COL23A1: variants seen among roughly 807,000 people sequenced by gnomAD.
COL23A1 encodes collagen alpha-1(XXIII) chain.
COL23A1 carries 97 observed loss-of-function variants against 99.3 expected under a neutral mutation model. The observed-to-expected ratio is 0.98, with a 90% CI of 0.83 to 1.16. The LOEUF (loss-of-function observed/expected upper bound fraction) is 1.16. Among genes scored for constraint, COL23A1 ranks in the 50% most tolerant of loss-of-function variants. The probability of loss-of-function intolerance (pLI) is 0.00; values close to 1 mark genes in which losing one functional copy is unlikely to be tolerated. For missense variants in COL23A1, 762 were observed against 757.4 expected (o/e 1.01, Z -0.07); for synonymous variants, 320 against 308.2 (o/e 1.04, Z -0.40).
At chr5:178,292,127 G>A (rs906153288) in intron 3 of COL23A1, among the ~76,000 whole-genome samples, 1 of 151,994 alleles carries the variant, frequency 6.6e-6, no homozygotes, top group African/African-American at 2.4e-5. Flanking sequence ...CCTCCCCCGT[G>A]CCTGCGCCTG....
intron 3 of COL23A1, among the ~76,000 whole-genome samples, chr5:178,290,822 G>A (rs1435372360): frequency 6.6e-6 from 1 of 152,118 alleles, no homozygotes; most frequent in African/African-American, 2.4e-5. Context: ...TTGGGGGAGG[G>A]GGCTCCTGCT....
chr5:178,535,074 G>GA (rs1169926185), intron 2 of COL23A1, among the ~76,000 whole-genome samples: 1 of 150,520 alleles, frequency 6.6e-6, no homozygotes, highest in Non-Finnish European at 1.5e-5. Context: ...GTGTTCAAGC[G>GA]ATTCTCCTGC....
At chr5:178,333,049 C>A (rs1760119397) in intron 2 of COL23A1, among the ~76,000 whole-genome samples, 1 of 152,174 alleles carries the variant, frequency 6.6e-6, no homozygotes, top group Admixed American at 6.5e-5. Flanking sequence ...CCTCCACCCT[C>A]CGAGTTCAAG....
chr5:178,242,960 G>T (rs1764487205), intron 25 of COL23A1, among the ~76,000 whole-genome samples: 1 of 152,102 alleles, frequency 6.6e-6, no homozygotes, highest in South Asian at 2.1e-4. Flanking sequence ...ACTTTGGGAG[G>T]TCGAGGTGGG....
At chr5:178,324,049 C>T (rs978456299) in intron 2 of COL23A1, among the ~76,000 whole-genome samples, 12 of 152,214 alleles carry the variant, frequency 7.9e-5, no homozygotes, top group African/African-American at 2.9e-4. Context: ...TGCCATTGTC[C>T]AGTCAGAGGT....
At chr5:178,392,308 T>C (rs1036666166) in intron 2 of COL23A1, among the ~76,000 whole-genome samples, 5 of 152,146 alleles carry the variant, frequency 3.3e-5, no homozygotes, top group Non-Finnish European at 7.3e-5. Context: ...GGACGCAGCA[T>C]CACAATCTGC....
chr5:178,518,452 C>T (rs570278391), intron 2 of COL23A1, among the ~76,000 whole-genome samples: 3 of 150,734 alleles, frequency 2.0e-5, no homozygotes, highest in Non-Finnish European at 4.4e-5. Context: ...AGAGGGGCTC[C>T]TCACTTCCCA....
intron 2 of COL23A1, among the ~76,000 whole-genome samples, chr5:178,424,899 C>T (rs1765826941): frequency 1.3e-5 from 2 of 152,282 alleles, no homozygotes; most frequent in South Asian, 2.1e-4. Flanking sequence ...TAGGGCACCC[C>T]GCTCATTGGA....
chr5:178,449,241 T>TTC (rs1486198924), intron 2 of COL23A1, among the ~76,000 whole-genome samples: 68 of 152,342 alleles, frequency 4.5e-4, no homozygotes, highest in African/African-American at 1.5e-3. Context: ...TCAGAGGAAC[T>TTC]GGGAGGCCCC....
In COL23A1 at chr5:178,502,745, C is replaced by T. The variant is rs187480746; in HGVS notation, c.361+57937G>A. Among the ~76,000 whole-genome samples the T allele has an allele frequency of 1.8e-4, 27 of 152,328 alleles. No homozygotes were observed. The East Asian group carries it at 1.9e-3, about 11-fold the overall frequency. ...ATTCACATAGTTGACGGTCCAGCAA[C>T]GCCACTTCTGGGCATGAACCCTAAG... On this transcript the variant is annotated intron_variant, in intron 2 of 28. Transcript: ENST00000390654.
chr5:178,386,088 C>T (rs572378162), intron 2 of COL23A1, among the ~76,000 whole-genome samples: 18 of 152,232 alleles, frequency 1.2e-4, no homozygotes, highest in African/African-American at 4.1e-4. Context: ...TAATACAATG[C>T]TTGTATCCAA....
intron 2 of COL23A1, among the ~76,000 whole-genome samples, chr5:178,435,810 C>T (rs1044444220): frequency 1.3e-5 from 2 of 152,148 alleles, no homozygotes; most frequent in Admixed American, 6.5e-5. Context: ...CTCAACTTCC[C>T]GGACCTGTCA....
At chr5:178,370,445 A>T (rs1762736881) in intron 2 of COL23A1, among the ~76,000 whole-genome samples, 1 of 152,168 alleles carries the variant, frequency 6.6e-6, no homozygotes, top group Non-Finnish European at 1.5e-5. Context: ...TCTCACTGAT[A>T]TGTGGAATCT....
chr5:178,343,438 C>T (rs887088269), intron 2 of COL23A1, among the ~76,000 whole-genome samples: 5 of 152,158 alleles, frequency 3.3e-5, no homozygotes, highest in African/African-American at 1.2e-4. Context: ...AAACCATAAA[C>T]TTGTCGGTAA....
chr5:178,254,829 T>C, intron 16 of COL23A1, 120 bp downstream of exon 16: 1 of 832,714 alleles, frequency 1.2e-6, no homozygotes, highest in Non-Finnish European at 2.0e-6. Context: ...CCGGGGTCTT[T>C]GTGCTAAGCT....
rs117310102 is a variant in COL23A1 at position 178,368,792 on chromosome 5, G to A, written c.362-61873C>T. Reference sequence around the variant, plus strand: ...TGCAGCTAGCACTGCTGCAAGCCAAGTAGGACACCAACCCCTTTTTATTGT... The same window carrying A: ...TGCAGCTAGCACTGCTGCAAGCCAAATAGGACACCAACCCCTTTTTATTGT... On this transcript the variant is annotated intron_variant, in intron 2 of 28. Coordinates refer to ENST00000390654, the MANE Select transcript of COL23A1 (RefSeq NM_173465.4). Among the ~76,000 whole-genome samples the A allele has an allele frequency of 7.1e-4, 108 of 152,376 alleles. No homozygotes were observed. In the East Asian group the frequency reaches 0.019, roughly 27 times the overall value.
At chr5:178,380,404 T>TGC (rs904718449) in intron 2 of COL23A1, among the ~76,000 whole-genome samples, 1 of 151,786 alleles carries the variant, frequency 6.6e-6, no homozygotes, top group Non-Finnish European at 1.5e-5. Context: ...TGTGTGTGTG[T>TGC]GTGTGTGTGT....
At chr5:178,265,128 G>A (rs181038481) in intron 8 of COL23A1, among the ~76,000 whole-genome samples, 2 of 152,306 alleles carry the variant, frequency 1.3e-5, no homozygotes, top group East Asian at 3.9e-4. Flanking sequence ...ATCCACAGAT[G>A]TTCCCTGATC....
chr5:178,506,964 A>G (rs968436583), intron 2 of COL23A1, among the ~76,000 whole-genome samples: 2 of 152,188 alleles, frequency 1.3e-5, no homozygotes, highest in Non-Finnish European at 2.9e-5. Context: ...CAATATTAAG[A>G]GATGATTTTT....
Sources: allele counts gnomAD v4.1 joint callset (sites outside exome capture counted in the v4.1 genomes callset), GRCh38; gene constraint gnomAD v4.1.1; transcripts MANE v1.5; gene names NCBI Gene and HGNC (gene_info 2026-07-23, HGNC 2026-07-21).